Variants in ATIC observed in about 807,000 individuals in gnomAD.
The protein encoded by ATIC is 5-aminoimidazole-4-carboxamide ribonucleotide formyltransferase/IMP cyclohydrolase.
Under a neutral mutation model 72.5 loss-of-function variants are expected in ATIC, and 64 were observed. The observed-to-expected ratio is 0.88, with a 90% CI of 0.72 to 1.09. The LOEUF is 1.09. ATIC is among the 50% of genes least tolerant of loss of function. The probability of loss-of-function intolerance (pLI) is 0.00; values close to 1 mark genes in which losing one functional copy is unlikely to be tolerated. For missense variants in ATIC, 787 were observed against 732.4 expected (o/e 1.07, Z -0.86); for synonymous variants, 281 against 267.1 (o/e 1.05, Z -0.51).
At chr2:215,332,596 A>AT in intron 8 of ATIC, 89 bp downstream of exon 8, 1 of 1,502,338 alleles carries the variant, frequency 6.7e-7, no homozygotes, top group African/African-American at 1.4e-5. Flanking sequence ...TCTAATGTGA[A>AT]TATAGACATG....
chr2:215,345,455 C>G (rs1439146723), intron 13 of ATIC: 2 of 165,412 alleles, frequency 1.2e-5, no homozygotes, highest in Non-Finnish European at 2.7e-5. Context: ...CAATTAAATA[C>G]CAAACATTTC....
At position 215,344,623 on chromosome 2, in the gene ATIC, C is replaced by T. The variant is rs117613192; in HGVS notation, c.1228-156C>T. Reference sequence around the variant, plus strand: ...CCGGGAGGTGGAGGTTACAGTGAGCCGAGATTGTGCCGTTGGAGATTGTCC... The same window carrying T: ...CCGGGAGGTGGAGGTTACAGTGAGCTGAGATTGTGCCGTTGGAGATTGTCC... On this transcript the variant is annotated intron_variant, in intron 12 of 15. Transcript: ENST00000236959. Among the ~76,000 whole-genome samples, 220 of 151,868 alleles carry T rather than the reference C, an allele frequency of 1.4e-3. 4 individuals carry two copies. In the East Asian group the frequency reaches 0.04, roughly 27 times the overall value.
At chr2:215,362,148 G>GAGTT in the ATIC span, 18 of 1,212,886 alleles carry the variant, frequency 1.5e-5, no homozygotes, top group Non-Finnish European at 2.2e-5. Flanking sequence ...TTTAGTGTTT[G>GAGTT]AGTTAAAGAA....
intron 11 of ATIC, among the ~76,000 whole-genome samples, chr2:215,337,526 C>T (rs2052969791): frequency 6.6e-6 from 1 of 152,164 alleles, no homozygotes; most frequent in African/African-American, 2.4e-5. Flanking sequence ...ACTACCAGGC[C>T]TGGCTGAGTT....
intron 14 of ATIC, among the ~76,000 whole-genome samples, chr2:215,347,897 A>G (rs1318240948): frequency 1.3e-5 from 2 of 152,140 alleles, no homozygotes; most frequent in Non-Finnish European, 2.9e-5. Context: ...CTTATAAACC[A>G]TAGACATTTA....
chr2:215,355,827 G>A, the ATIC span, among the ~76,000 whole-genome samples: 8 of 152,264 alleles, frequency 5.3e-5, no homozygotes, highest in South Asian at 2.1e-4. Context: ...TCTTTCCCTC[G>A]AGGAAATTGT....
chr2:215,367,391 T>A, the ATIC span, among the ~76,000 whole-genome samples: 1 of 152,216 alleles, frequency 6.6e-6, no homozygotes, highest in Non-Finnish European at 1.5e-5. Context: ...CTGGGCTATG[T>A]GTGTGACGCA....
At chr2:215,362,214 T>C in the ATIC span, 1 of 701,488 alleles carries the variant, frequency 1.4e-6, no homozygotes, top group Non-Finnish European at 2.6e-6. Context: ...TAAGCAAGCT[T>C]TGATGATGAT....
the ATIC span, among the ~76,000 whole-genome samples, chr2:215,354,873 G>C: frequency 6.6e-6 from 1 of 151,746 alleles, no homozygotes; most frequent in Non-Finnish European, 1.5e-5. Context: ...TGGCTACCCA[G>C]CAGCGTGTGC....
intron 4 of ATIC, among the ~76,000 whole-genome samples, chr2:215,320,737 G>A (rs1575114391): frequency 6.6e-6 from 1 of 152,044 alleles, no homozygotes; most frequent in Admixed American, 6.6e-5. Context: ...TTGTCACCAC[G>A]CCCAACTCAT....
chr2:215,318,048 G>T (rs990656809), intron 2 of ATIC, 109 bp from the exon 3 acceptor site: 1 of 1,002,890 alleles, frequency 1.0e-6, no homozygotes, highest in Admixed American at 1.8e-5. Context: ...GAATTTTCAC[G>T]TTGAATTCAG....
intron 14 of ATIC, chr2:215,347,542 A>T: frequency 2.1e-6 from 1 of 482,558 alleles, no homozygotes; most frequent in South Asian, 1.6e-5. Flanking sequence ...AAAATGCTGG[A>T]TGGAAAACAG....
intron 2 of ATIC, among the ~76,000 whole-genome samples, chr2:215,317,846 G>C (rs1253157247): frequency 1.3e-5 from 2 of 152,074 alleles, no homozygotes; most frequent in Non-Finnish European, 2.9e-5. Context: ...GTATGTCTTA[G>C]TAATATTTAA....
chr2:215,358,908 A>C, the ATIC span, among the ~76,000 whole-genome samples: 1 of 152,218 alleles, frequency 6.6e-6, no homozygotes, highest in Non-Finnish European at 1.5e-5. Flanking sequence ...TTTGAGACGA[A>C]GTCTCACTCT....
intron 7 of ATIC, among the ~76,000 whole-genome samples, chr2:215,328,907 G>A (rs1559271941): frequency 6.6e-6 from 1 of 151,980 alleles, no homozygotes; most frequent in East Asian, 1.9e-4. Context: ...AGTAGAGATA[G>A]GGTTTCACCA....
chr2:215,364,071 T>G, the ATIC span, among the ~76,000 whole-genome samples: 356 of 152,352 alleles, frequency 2.3e-3, 1 homozygote, highest in Non-Finnish European at 4.3e-3. Flanking sequence ...TTCTCTTTCT[T>G]GCTAATTCCA....
At chr2:215,315,798 A>G (rs929406645) in intron 2 of ATIC, among the ~76,000 whole-genome samples, 4 of 151,856 alleles carry the variant, frequency 2.6e-5, no homozygotes, top group African/African-American at 9.7e-5. Flanking sequence ...TAAAAATACA[A>G]AAAAGAATCA....
At chr2:215,312,713 T>C in intron 2 of ATIC, 89 bp downstream of exon 2, 1 of 1,585,184 alleles carries the variant, frequency 6.3e-7, no homozygotes, top group Non-Finnish European at 8.6e-7. Flanking sequence ...AAACGCCTTA[T>C]TTACTCCTCC....
rs1429560809 is a variant in ATIC at position 215,339,037 on chromosome 2, C to CT, written c.1227+133dup. ...GTATGCACACGGCTAGCTAGCTTAT[C>CT]TTTGAGTTGTCACATAAGCTTTGGA... On this transcript the variant is annotated intron_variant, in intron 12 of 15. Transcript: ENST00000236959. 14 of 1,262,142 alleles carry CT rather than the reference C, an allele frequency of 1.1e-5. No individual in the cohort carries two copies. In the East Asian group the frequency reaches 2.7e-4, roughly 25 times the overall value. The allele number at this position is 1,262,142 out of a possible 1,614,324, so 78.2% of individuals were successfully genotyped here.
Sources: allele counts gnomAD v4.1 joint callset (sites outside exome capture counted in the v4.1 genomes callset), GRCh38; gene constraint gnomAD v4.1.1; transcripts MANE v1.5; gene names NCBI Gene and HGNC (gene_info 2026-07-23, HGNC 2026-07-21).